The following PHACTR1 variants were observed in gnomAD, a reference collection of about 807,000 sequenced individuals.
PHACTR1 encodes the protein RPEL repeat containing 1.
In PHACTR1, 16 loss-of-function variants were observed where a neutral mutation model predicts 69.2. The observed-to-expected ratio is 0.23, with a 90% CI of 0.16 to 0.35. PHACTR1 has a LOEUF of 0.35. Among genes scored for constraint, PHACTR1 ranks in the 10% least tolerant of loss-of-function variants. The probability of loss-of-function intolerance (pLI) is 1.00; values close to 1 mark genes in which losing one functional copy is unlikely to be tolerated. For synonymous variants in PHACTR1, 312 were observed against 284.5 expected (o/e 1.10, Z -0.97); for missense variants, 510 against 734.7 (o/e 0.69, Z 3.54).
rs141828073 is a variant in PHACTR1 at position 13,063,387 on chromosome 6, G to T, written c.415+9858G>T. Among the ~76,000 whole-genome samples, 283 of 152,286 alleles carry T rather than the reference G, an allele frequency of 1.9e-3. 1 individual carries two copies. Among genetic ancestry groups the T allele is most frequent in the African/African-American group, 6.4e-3 (265 of 41,550 alleles). On this transcript the variant is annotated intron_variant, in intron 5 of 14. Coordinates refer to ENST00000332995, the MANE Select transcript of PHACTR1 (RefSeq NM_030948.6). ...AGAGAAAGGGATGTTTAACCAAGGG[G>T]TTAGCAATGCATGTGAGGAAATCTC... is the stretch of plus-strand genomic sequence containing the variant.
chr6:13,231,146 A>G (rs1471316653), intron 10 of PHACTR1, among the ~76,000 whole-genome samples: 1 of 142,468 alleles, frequency 7.0e-6, no homozygotes, highest in African/African-American at 2.9e-5. Context: ...AGAGAAAGAA[A>G]GAAGGAAAGA....
chr6:13,103,082 AAG>A (rs1236701428), intron 5 of PHACTR1, among the ~76,000 whole-genome samples: 1 of 152,202 alleles, frequency 6.6e-6, no homozygotes, highest in Non-Finnish European at 1.5e-5. Flanking sequence ...ATCAAAACAA[AAG>A]AGAGAAATTT....
At position 13,281,810 on chromosome 6, in the gene PHACTR1, G is replaced by A. The variant is rs151034156; in HGVS notation, c.1510-1612G>A. Among the ~76,000 whole-genome samples, 17 of 152,314 alleles carry A rather than the reference G, an allele frequency of 1.1e-4. No individual in the cohort carries two copies. In the East Asian group the frequency reaches 3.3e-3, roughly 29 times the overall value. On this transcript the variant is annotated intron_variant, in intron 12 of 14. Transcript: ENST00000332995. The stretch of plus-strand genomic sequence containing the variant: ...GGTGACCACAGCCATAACAGCCTGG[G>A]AAGCCTGTGGGTTCCCGCGACAGGC...
rs975185263 is a variant in PHACTR1, at chr6:13,286,090, G to C, written c.1651-56G>C. 5.6e-6 allele frequency: 8 copies of C among 1,420,964 alleles called. No individual in the cohort carries two copies. The East Asian group carries it at 9.5e-5, about 17-fold the overall frequency. The allele number at this position is 1,420,964 out of a possible 1,614,324, so 88.0% of individuals were successfully genotyped here. Reference sequence around the variant, plus strand: ...ATGTTGTTAGGAATGAACTGAAAGGGGAGTTTTTTTCTGTCTCTCTCCCAT... The same window carrying C: ...ATGTTGTTAGGAATGAACTGAAAGGCGAGTTTTTTTCTGTCTCTCTCCCAT... On this transcript the variant is annotated intron_variant, in intron 13 of 14. Coordinates refer to ENST00000332995, the MANE Select transcript of PHACTR1 (RefSeq NM_030948.6).
intron 4 of PHACTR1, among the ~76,000 whole-genome samples, chr6:12,955,036 A>G (rs1424859551): frequency 6.6e-6 from 1 of 152,112 alleles, no homozygotes; most frequent in Non-Finnish European, 1.5e-5. Context: ...AGAATACATA[A>G]TATTTCATTA....
intron 13 of PHACTR1, 48 bp from the exon 14 acceptor site, chr6:13,286,098 T>C: frequency 6.7e-7 from 1 of 1,502,676 alleles, no homozygotes; most frequent in Admixed American, 2.4e-5. Flanking sequence ...GGGGAGTTTT[T>C]TTCTGTCTCT....
chr6:13,229,047 A>G (rs1770317880), intron 9 of PHACTR1, among the ~76,000 whole-genome samples: 1 of 152,248 alleles, frequency 6.6e-6, no homozygotes, highest in South Asian at 2.1e-4. Context: ...GATGTCAAGG[A>G]AAGAACCACA....
At chr6:12,943,056 A>C (rs1387704312) in intron 4 of PHACTR1, among the ~76,000 whole-genome samples, 1 of 152,232 alleles carries the variant, frequency 6.6e-6, no homozygotes, top group East Asian at 1.9e-4. Flanking sequence ...TCAAACAAAA[A>C]CTTGTACAGG....
Position 13,049,114 on chromosome 6 carries a change from T to G in PHACTR1, c.251-4251T>G, listed in dbSNP as rs571141115. On this transcript the variant is annotated intron_variant, in intron 4 of 14. Coordinates refer to ENST00000332995, the MANE Select transcript of PHACTR1 (RefSeq NM_030948.6). ...TTATAATTATACCTTTATAATACCC[T>G]GTGTTCCTTGCCACTCTTGGTTTTT... Among the ~76,000 whole-genome samples the G allele has an allele frequency of 1.2e-4, 19 of 152,378 alleles. No individual in the cohort carries two copies. The East Asian group carries it at 3.5e-3, about 28-fold the overall frequency.
rs1346067246 is a variant in PHACTR1 at position 13,101,798 on chromosome 6, T to C, written c.415+48269T>C. ...ACAAAGAGGAGCTTAACTTTTGCAA[T>C]AAGAATGGCTGTCACAAACTCAGTG... On this transcript the variant is annotated intron_variant, in intron 5 of 14. Coordinates refer to ENST00000332995, the MANE Select transcript of PHACTR1 (RefSeq NM_030948.6). 4.6e-5 allele frequency among the ~76,000 whole-genome samples: 7 copies of C among 152,074 alleles called. 1 individual carries two copies. Among genetic ancestry groups the C allele is most frequent in the Admixed American group, 4.6e-4 (7 of 15,270 alleles).
At chr6:13,027,827 C>T (rs1801919277) in intron 4 of PHACTR1, among the ~76,000 whole-genome samples, 1 of 152,150 alleles carries the variant, frequency 6.6e-6, no homozygotes, top group African/African-American at 2.4e-5. Flanking sequence ...AGGCATGCGC[C>T]ACCACACCCA....
At chr6:13,081,132 T>C (rs2127797285) in intron 5 of PHACTR1, among the ~76,000 whole-genome samples, 2 of 152,246 alleles carry the variant, frequency 1.3e-5, no homozygotes, top group South Asian at 4.1e-4. Flanking sequence ...CCCCAAAAGT[T>C]GAAAAATAAA....
At chr6:12,780,818 A>G (rs1360629514) in intron 4 of PHACTR1, among the ~76,000 whole-genome samples, 2 of 152,234 alleles carry the variant, frequency 1.3e-5, no homozygotes, top group Non-Finnish European at 2.9e-5. Context: ...CTGAAATACT[A>G]GAGTGCAAAC....
intron 4 of PHACTR1, among the ~76,000 whole-genome samples, chr6:12,829,996 G>GAGAA (rs58523717): frequency 7.1e-6 from 1 of 139,940 alleles, no homozygotes; most frequent in African/African-American, 2.7e-5. Context: ...GAGAGAGAGA[G>GAGAA]AACGAAAAGA....
At chr6:13,181,569 A>T (rs1231371330) in intron 6 of PHACTR1, among the ~76,000 whole-genome samples, 1 of 152,198 alleles carries the variant, frequency 6.6e-6, no homozygotes, top group Middle Eastern at 3.2e-3. Flanking sequence ...ATTGTATGGG[A>T]GCCTTTGATC....
chr6:12,872,850 T>C (rs1469868229), intron 4 of PHACTR1, among the ~76,000 whole-genome samples: 1 of 152,126 alleles, frequency 6.6e-6, no homozygotes, highest in East Asian at 1.9e-4. Flanking sequence ...CTCTTTCAGG[T>C]CCATTTTTCT....
chr6:13,023,812 C>G (rs544420880), intron 4 of PHACTR1, among the ~76,000 whole-genome samples: 64 of 152,360 alleles, frequency 4.2e-4, no homozygotes, highest in African/African-American at 1.5e-3. Context: ...CACAATGGCT[C>G]ATGCCTGTAA....
chr6:12,812,666 G>A (rs906718404), intron 4 of PHACTR1, among the ~76,000 whole-genome samples: 6 of 152,236 alleles, frequency 3.9e-5, no homozygotes, highest in South Asian at 2.1e-4. Flanking sequence ...ACTTCCCATC[G>A]TCATGCCTTT....
intron 4 of PHACTR1, among the ~76,000 whole-genome samples, chr6:12,987,838 T>C (rs1174374979): frequency 6.6e-6 from 1 of 152,152 alleles, no homozygotes; most frequent in Non-Finnish European, 1.5e-5. Context: ...AGAGCAGAAT[T>C]CTAAAGTCCT....
Sources: allele counts gnomAD v4.1 joint callset (sites outside exome capture counted in the v4.1 genomes callset), GRCh38; gene constraint gnomAD v4.1.1; transcripts MANE v1.5; gene names NCBI Gene and HGNC (gene_info 2026-07-23, HGNC 2026-07-21).